Variants in LLGL2 observed in about 807,000 individuals in gnomAD.
The protein encoded by LLGL2 is LLGL scribble cell polarity complex component 2.
Under a neutral mutation model 123.2 loss-of-function variants are expected in LLGL2, and 81 were observed. The observed-to-expected ratio is 0.66, with a 90% CI of 0.55 to 0.79. The LOEUF is 0.79. Among genes scored for constraint, LLGL2 ranks in the 30% least tolerant of loss-of-function variants. The pLI is 0.00. For synonymous variants in LLGL2, 577 were observed against 594.1 expected (o/e 0.97, Z 0.42); for missense variants, 1,273 against 1,414.6 (o/e 0.90, Z 1.61).
chr17:75,561,228 C>T (rs2055205181), intron 6 of LLGL2, among the ~76,000 whole-genome samples: 1 of 152,218 alleles, frequency 6.6e-6, no homozygotes, highest in Admixed American at 6.5e-5. Context: ...TGAGAAGTCT[C>T]TGTCCTAAAG....
At chr17:75,570,914 C>T in intron 16 of LLGL2, 36 bp from the exon 17 acceptor site, 4 of 1,572,842 alleles carry the variant, frequency 2.5e-6, no homozygotes, top group Non-Finnish European at 3.5e-6. Flanking sequence ...GGAGGGGAGT[C>T]CAGAGCTGAC....
At chr17:75,572,659 C>T (rs1273310834) in intron 19 of LLGL2, among the ~76,000 whole-genome samples, 4 of 116,034 alleles carry the variant, frequency 3.4e-5, no homozygotes, top group East Asian at 2.1e-4. Context: ...AGCGAGATTC[C>T]GTCTCAAAAA....
Position 75,543,434 on chromosome 17 carries a change from G to A in LLGL2, c.8G>A (p.Arg3Gln), listed in dbSNP as rs758332714. 5.0e-6 allele frequency: 8 copies of A among 1,607,430 alleles called. No homozygotes were observed. The highest frequency in any genetic ancestry group is 2.3e-5 in the East Asian group (1 of 44,416). The change falls in exon 2 of 26, where the codon CGG becomes CAG. Residue 3 changes from arginine to glutamine, a missense_variant. Arg to Gln is a conservative substitution (Grantham distance 43, BLOSUM62 1). Coordinates refer to ENST00000392550, the MANE Select transcript of LLGL2 (RefSeq NM_001031803.2). ...GGCTGCAGACTAAGCAAAATGAGGC[G>A]GTTCCTGAGGCCAGGGCATGACCCT... is the stretch of plus-strand genomic sequence containing the variant. MRRFLRPGHDPVR... is the reference protein window; with the variant it reads MRQFLRPGHDPVR...
At chr17:75,562,964 C>T (rs2055285998) in intron 6 of LLGL2, 52 bp from the exon 7 acceptor site, 2 of 1,596,776 alleles carry the variant, frequency 1.3e-6, no homozygotes. Context: ...ATGCTGGGGG[C>T]CATTCCCCCT....
At position 75,541,308 on chromosome 17, in the gene LLGL2, G is replaced by T. The variant is rs2054195841; in HGVS notation, c.-30-2089G>T. ...CTCTGACTTCTGACCCAGTGACCTT[G>T]GCCTGGGCCCCGGGTGGGGGTGTGA... is the stretch of plus-strand genomic sequence containing the variant. On this transcript the variant is annotated intron_variant, in intron 1 of 25. Coordinates refer to ENST00000392550, the MANE Select transcript of LLGL2 (RefSeq NM_001031803.2). Among the ~76,000 whole-genome samples the T allele has an allele frequency of 3.3e-5, 5 of 152,242 alleles. No homozygotes were observed. The South Asian group carries it at 1.0e-3, about 31-fold the overall frequency.
intron 10 of LLGL2, chr17:75,567,922 CAG>C (rs2055513205): frequency 7.7e-6 from 3 of 390,892 alleles, no homozygotes; most frequent in African/African-American, 2.2e-5. Flanking sequence ...GCCTGGGCGA[CAG>C]AGTGTGAAAC....
chr17:75,570,730 C>T (rs1459340850), intron 16 of LLGL2, among the ~76,000 whole-genome samples: 4 of 152,232 alleles, frequency 2.6e-5, no homozygotes, highest in African/African-American at 7.2e-5. Flanking sequence ...CCCCAGTAAA[C>T]GTTAGTGATT....
At position 75,573,042 on chromosome 17, in the gene LLGL2, A is replaced by G; in HGVS notation, c.2489A>G (p.Lys830Arg). The change falls in exon 20 of 26, where the codon AAG becomes AGG. Residue 830 changes from lysine to arginine, a missense_variant. By Grantham distance (26) the Lys-to-Arg change is conservative (BLOSUM62 2). Transcript: ENST00000392550. ...TTCACGCTGCCCAAGGTGAGTGCCA[A>G]GCTGAAGTTGAAGCTGACGGCCCTG... The part of the protein sequence containing the change: ...KVFTLPKVSA[K>R]LKLKLTALEG... 1 of 1,611,756 alleles carries G rather than the reference A, an allele frequency of 6.2e-7. No individual in the cohort carries two copies. Among genetic ancestry groups the G allele is most frequent in the African/African-American group, 1.3e-5 (1 of 74,982 alleles).
chr17:75,533,348 T>C (rs1415490237), intron 1 of LLGL2, among the ~76,000 whole-genome samples: 1 of 94,034 alleles, frequency 1.1e-5, no homozygotes. Context: ...TCTGTCACCC[T>C]GGCTGGAGTG....
Position 75,549,020 on chromosome 17 carries a change from G to A in LLGL2, c.75+5519G>A, listed in dbSNP as rs933254173. On this transcript the variant is annotated intron_variant, in intron 2 of 25. Transcript: ENST00000392550. The surrounding 1 kb of genome is among the most constrained non-coding windows in gnomAD (Gnocchi z 4.0). ...TAAGGCCCCCAGGGCTTGCACAGCT[G>A]GAGCTTATCCGGGGCAGGGGCACTG... Among the ~76,000 whole-genome samples the A allele has an allele frequency of 1.3e-5, 2 of 152,156 alleles. No individual in the cohort carries two copies. The highest frequency in any genetic ancestry group is 2.4e-5 in the African/African-American group (1 of 41,436).
At position 75,575,065 on chromosome 17, in the gene LLGL2, C is replaced by A. The variant is rs372378903; in HGVS notation, c.*187C>A. The A allele has an allele frequency of 1.3e-6, 1 of 744,042 alleles. No individual in the cohort carries two copies. Among genetic ancestry groups the A allele is most frequent in the Non-Finnish European group, 2.3e-6 (1 of 428,392 alleles). The allele number at this position is 744,042 out of a possible 1,614,324, so 46.1% of individuals were successfully genotyped here. A position where few individuals can be genotyped will look rare whatever the true frequency, so the allele number is the denominator to read the frequency against. ...CCCCAGTCCCCTGGGCTGCCCTTCC[C>A]GGGCCTCGTCTGTCTGGGTCCTTTG... On this transcript the variant is annotated 3_prime_UTR_variant, in exon 26 of 26. Transcript: ENST00000392550.
chr17:75,570,068 C>T lies in LLGL2; in HGVS notation c.1687C>T (p.Arg563Cys), dbSNP rs762927212. ...QEGYRWKGHE[R>C]LAARSGPVRF... ...GGGCTACCGCTGGAAGGGGCACGAG[C>T]GCCTGGCAGCCCGCTCAGGGCCCGT... Residue 563 changes from arginine to cysteine, a missense_variant, in exon 15 of 26, where the codon CGC becomes TGC. Transcript: ENST00000392550. The T allele has an allele frequency of 3.1e-6, 5 of 1,612,366 alleles. No homozygotes were observed. The highest frequency in any genetic ancestry group is 2.2e-5 in the East Asian group (1 of 44,866).
At chr17:75,527,918 G>T (rs147590883) in intron 1 of LLGL2, among the ~76,000 whole-genome samples, 15,286 of 151,064 alleles carry the variant, frequency 0.1, 1,074 homozygotes, top group African/African-American at 0.19. Context: ...CTTCTGAGTA[G>T]CTGGGACTAC....
intron 1 of LLGL2, 173 bp from the exon 2 acceptor site, chr17:75,543,224 G>C (rs950372644): frequency 9.5e-6 from 4 of 421,660 alleles, no homozygotes; most frequent in African/African-American, 2.0e-5. Flanking sequence ...CCGGCCTCTA[G>C]ATCTGAGCGT....
intron 6 of LLGL2, 190 bp from the exon 7 acceptor site, chr17:75,562,826 T>A (rs1276060834): frequency 7.3e-6 from 5 of 684,318 alleles, no homozygotes; most frequent in Non-Finnish European, 1.2e-5. Flanking sequence ...CACCTTGGGC[T>A]CCCAAAGTGC....
In LLGL2 at chr17:75,570,495, AGAGGTGAGGCCT is replaced by A. The variant is rs775588618; in HGVS notation, c.2025+8_2025+19del. The stretch of plus-strand genomic sequence containing the variant: ...AGCGGCACCCGGCTGGCCCCCCAGG[AGAGGTGAGGCCT>A]GAGGTGAGGCTGCGGCCGGCCACGC... On this transcript the variant is annotated splice_donor_variant and splice_donor_5th_base_variant and coding_sequence_variant and intron_variant, in exon 16 of 26. Transcript: ENST00000392550. LOFTEE classifies it high-confidence loss of function. 2 of 1,571,210 alleles carry A rather than the reference AGAGGTGAGGCCT, an allele frequency of 1.3e-6. No homozygotes were observed. Among genetic ancestry groups the A allele is most frequent in the South Asian group, 1.2e-5 (1 of 85,918 alleles).
chr17:75,531,859 C>T (rs1326293504), intron 1 of LLGL2, among the ~76,000 whole-genome samples: 3 of 152,100 alleles, frequency 2.0e-5, no homozygotes, highest in Non-Finnish European at 2.9e-5. Context: ...GGAACCACAG[C>T]GAATTCTTGA....
At chr17:75,536,040 G>A (rs935836344) in intron 1 of LLGL2, among the ~76,000 whole-genome samples, 7 of 152,234 alleles carry the variant, frequency 4.6e-5, no homozygotes, top group African/African-American at 1.7e-4. Context: ...TTGCGGCCCG[G>A]CTCTAAACCC....
chr17:75,564,584 C>T lies in LLGL2; in HGVS notation c.1036+77C>T, dbSNP rs2147470020. 6.3e-7 allele frequency: 1 copy of T among 1,584,938 alleles called. No homozygotes were observed. The highest frequency in any genetic ancestry group is 2.3e-5 in the East Asian group (1 of 44,250). On this transcript the variant is annotated intron_variant, in intron 10 of 25. Transcript: ENST00000392550. This position sits in a 1 kb window ranked among gnomAD's most constrained non-coding sequence, Gnocchi z 4.9. The stretch of plus-strand genomic sequence containing the variant: ...GCAGGACCATCAGTAAAGACAGGGC[C>T]AGGTGCAGTGGCTCCTGCCTGTAAC...
Sources: gnomAD v4.1 joint callset for allele counts (sites outside exome capture counted in the v4.1 genomes callset) on GRCh38, gnomAD v4.1.1 for gene constraint, Gnocchi (gnomAD v3.1) non-coding constraint, MANE v1.5 for transcripts, NCBI Gene and HGNC (gene_info 2026-07-23, HGNC 2026-07-21) for gene names.